Variants in PRKCA observed in about 807,000 individuals in gnomAD.
PRKCA encodes protein kinase C alpha type.
PRKCA carries 27 observed loss-of-function variants against 87.0 expected under a neutral mutation model. The ratio of observed to expected loss-of-function variants is 0.31; its 90% confidence interval spans 0.23 to 0.43. The LOEUF is 0.43. Ranked by LOEUF, PRKCA falls within the 20% of genes least tolerant of loss-of-function variation. PRKCA has a pLI of 1.00. For synonymous variants in PRKCA, 329 were observed against 311.1 expected (o/e 1.06, Z -0.61); for missense variants, 518 against 852.3 (o/e 0.61, Z 4.88).
intron 2 of PRKCA, among the ~76,000 whole-genome samples, chr17:66,399,662 A>G (rs762726682): frequency 2.0e-5 from 3 of 152,166 alleles, no homozygotes; most frequent in Non-Finnish European, 4.4e-5. Context: ...CTTTGTTTCT[A>G]TGAATTTGAC....
chr17:66,732,788 A>G lies in PRKCA; in HGVS notation c.1019A>G (p.Asn340Ser), dbSNP rs1489277782. The G allele has an allele frequency of 1.2e-6, 2 of 1,614,200 alleles. No individual in the cohort carries two copies. Among genetic ancestry groups the G allele is most frequent in the East Asian group, 2.2e-5 (1 of 44,886 alleles). ...GACCGAGTGAAACTCACGGACTTCA[A>G]TTTCCTCATGGTGTTGGGAAAGGGG... Reference protein sequence around the residue: ...NLDRVKLTDFNFLMVLGKGSF... With the variant: ...NLDRVKLTDFSFLMVLGKGSF... The change falls in exon 9 of 17, where the codon AAT becomes AGT. Residue 340 changes from asparagine (N) to serine (S), a missense_variant. This residue lies in a region of PRKCA where 300 missense variants were observed against 496.8 expected (regional missense o/e 0.60). Transcript: ENST00000413366.
At chr17:66,403,979 C>A (rs1911195261) in intron 2 of PRKCA, 1 of 152,112 alleles carries the variant, frequency 6.6e-6, no homozygotes, top group Non-Finnish European at 1.5e-5. Context: ...GGGAAGAGCC[C>A]TTTGCTTATG....
At chr17:66,658,494 C>A (rs74315984) in intron 5 of PRKCA, among the ~76,000 whole-genome samples, 1 of 40,876 alleles carries the variant, frequency 2.4e-5, no homozygotes, top group African/African-American at 1.4e-4. Flanking sequence ...TCTTCAAAAA[C>A]AACAACAACA....
chr17:66,394,993 G>A (rs1216445621), intron 2 of PRKCA, among the ~76,000 whole-genome samples: 1 of 152,194 alleles, frequency 6.6e-6, no homozygotes, highest in African/African-American at 2.4e-5. Flanking sequence ...GGAACAGGCA[G>A]CATGACTATT....
chr17:66,793,356 G>A (rs1365690033), intron 16 of PRKCA, among the ~76,000 whole-genome samples: 2 of 152,070 alleles, frequency 1.3e-5, no homozygotes, highest in East Asian at 1.9e-4. Flanking sequence ...TTGGGAGGTC[G>A]AGGCAGGTGG....
intron 2 of PRKCA, among the ~76,000 whole-genome samples, chr17:66,318,593 G>T (rs1448864998): frequency 6.6e-6 from 1 of 152,102 alleles, no homozygotes; most frequent in Non-Finnish European, 1.5e-5. Flanking sequence ...GGTGGCTCAC[G>T]CCTATAATCC....
chr17:66,340,644 T>G (rs189806889), intron 2 of PRKCA, among the ~76,000 whole-genome samples: 10 of 152,256 alleles, frequency 6.6e-5, no homozygotes, highest in African/African-American at 2.4e-4. Context: ...TATTAGAATA[T>G]TTAAACTGCT....
chr17:66,428,562 G>C (rs1205163219), intron 2 of PRKCA, among the ~76,000 whole-genome samples: 1 of 150,024 alleles, frequency 6.7e-6, no homozygotes, highest in Non-Finnish European at 1.5e-5. Context: ...AGAGTGCAGT[G>C]GCACAATCTT....
intron 3 of PRKCA, among the ~76,000 whole-genome samples, chr17:66,554,242 A>G (rs900209647): frequency 5.8e-5 from 6 of 104,190 alleles, no homozygotes; most frequent in Admixed American, 1.1e-4. Flanking sequence ...TCTCTATGAA[A>G]AAAAAAAAAA....
chr17:66,775,748 C>T (rs1202683070), intron 14 of PRKCA: 1 of 985,214 alleles, frequency 1.0e-6, no homozygotes, highest in Non-Finnish European at 1.2e-6. Flanking sequence ...TTTATTCATT[C>T]ACTCACCACG....
intron 5 of PRKCA, among the ~76,000 whole-genome samples, chr17:66,667,144 C>T (rs1005445022): frequency 1.3e-5 from 2 of 152,176 alleles, no homozygotes; most frequent in African/African-American, 4.8e-5. Flanking sequence ...CCACCTCTGC[C>T]ACCTTTTAAA....
intron 2 of PRKCA, among the ~76,000 whole-genome samples, chr17:66,402,926 A>G (rs1339392720): frequency 6.6e-6 from 1 of 152,200 alleles, no homozygotes; most frequent in African/African-American, 2.4e-5. Context: ...GCTCCTAAAT[A>G]TTGGAGCCTG....
rs150377933 is a variant in PRKCA at position 66,367,979 on chromosome 17, T to G, written c.205+61852T>G. On this transcript the variant is annotated intron_variant, in intron 2 of 16. Transcript: ENST00000413366. The stretch of plus-strand genomic sequence containing the variant: ...AAATAACTTACAGGTGCAGTTCCTC[T>G]TCATAGGGAGTAACATGAATGAGTA... Among the ~76,000 whole-genome samples, 529 of 152,286 alleles carry G rather than the reference T, an allele frequency of 3.5e-3. 6 individuals are homozygous for G. Among genetic ancestry groups the G allele is most frequent in the Non-Finnish European group, 3.4e-3 (228 of 68,020 alleles).
intron 3 of PRKCA, among the ~76,000 whole-genome samples, chr17:66,526,981 G>C (rs1437549887): frequency 6.6e-6 from 1 of 152,148 alleles, no homozygotes. Flanking sequence ...CCTGCCCAAG[G>C]CTTGTTTTAT....
At chr17:66,476,420 G>T (rs1366903914) in intron 2 of PRKCA, among the ~76,000 whole-genome samples, 1 of 152,206 alleles carries the variant, frequency 6.6e-6, no homozygotes, top group Non-Finnish European at 1.5e-5. Context: ...TTACGGAAGA[G>T]CTTGGGCTCA....
rs151133123 is a variant in PRKCA, at chr17:66,800,005, G to A, written c.1855-3868G>A. 3.7e-3 allele frequency among the ~76,000 whole-genome samples: 558 copies of A among 152,154 alleles called. 4 individuals are homozygous for A. The highest frequency in any genetic ancestry group is 0.013 in the African/African-American group (534 of 41,512). On this transcript the variant is annotated intron_variant, in intron 16 of 16. Coordinates refer to ENST00000413366, the MANE Select transcript of PRKCA (RefSeq NM_002737.3). ...GTCTCGTAGCTGATCTAACCCTCAG[G>A]TCATCCTGCAGCCCTTCCAGGCTTT...
chr17:66,515,855 GT>G (rs1351781313), intron 3 of PRKCA, among the ~76,000 whole-genome samples: 2 of 152,024 alleles, frequency 1.3e-5, no homozygotes, highest in African/African-American at 2.4e-5. Context: ...ATGAGTTTTT[GT>G]TTTTGTTTTT....
At chr17:66,434,868 T>G (rs374031191) in intron 2 of PRKCA, among the ~76,000 whole-genome samples, 8 of 152,306 alleles carry the variant, frequency 5.3e-5, no homozygotes, top group African/African-American at 1.9e-4. Flanking sequence ...AATCATAACA[T>G]CAAGGGCTGA....
At chr17:66,504,761 C>G (rs1436823241) in intron 3 of PRKCA, among the ~76,000 whole-genome samples, 1 of 152,204 alleles carries the variant, frequency 6.6e-6, no homozygotes, top group African/African-American at 2.4e-5. Context: ...TTCTTTTCAT[C>G]ATTTTCCTTT....
Sources: allele counts gnomAD v4.1 joint callset (sites outside exome capture counted in the v4.1 genomes callset), GRCh38; gene constraint gnomAD v4.1.1; regional missense constraint gnomAD v4.1.1; transcripts MANE v1.5; gene names NCBI Gene and HGNC (gene_info 2026-07-23, HGNC 2026-07-21).